The following FLRT1 variants were observed in gnomAD, a reference collection of about 807,000 sequenced individuals.
FLRT1 encodes fibronectin leucine rich transmembrane protein 1.
A neutral mutation model predicts 30.9 loss-of-function variants in FLRT1; 14 were observed. That is an observed-to-expected ratio of 0.45 (90% CI 0.30 to 0.71). FLRT1 has a LOEUF of 0.71. FLRT1 is among the 30% of genes least tolerant of loss of function. The pLI is 0.08. For missense variants in FLRT1, 737 were observed against 949.2 expected (o/e 0.78, Z 2.94); for synonymous variants, 368 against 430.4 (o/e 0.85, Z 1.80).
At chr11:64,081,027 T>A (rs1004011426) in intron 1 of FLRT1, among the ~76,000 whole-genome samples, 6 of 152,306 alleles carry the variant, frequency 3.9e-5, no homozygotes, top group Middle Eastern at 3.4e-3. Context: ...ACACTTCTTA[T>A]TTTATTTATT....
Position 64,117,815 on chromosome 11 carries a change from C to T in FLRT1, c.1548C>T (p.Tyr516=), listed in dbSNP as rs947939. ...CMVTMETSNA[Y]VADETPVCAK... ...TCACCATGGAGACCAGCAATGCCTA[C>T]GTAGCTGATGAGACACCCGTGTGTG... The change falls in exon 3 of 3, where the codon TAC becomes TAT. Residue 516 remains tyrosine, a synonymous_variant. Transcript: ENST00000682287. 230,513 of 1,614,098 alleles carry T rather than the reference C, an allele frequency of 0.14. 18,027 individuals carry two copies. Among genetic ancestry groups the T allele is most frequent in the Non-Finnish European group, 0.16 (194,260 of 1,179,986 alleles).
At position 64,056,453 on chromosome 11, in the gene FLRT1, G is replaced by A. The variant is rs540981122; in HGVS notation, c.-1038+20294G>A. 2.6e-5 allele frequency among the ~76,000 whole-genome samples: 4 copies of A among 152,326 alleles called. No individual in the cohort carries two copies. In the East Asian group the frequency reaches 5.8e-4, roughly 22 times the overall value. On this transcript the variant is annotated intron_variant, in intron 1 of 2. Coordinates refer to ENST00000682287, the MANE Select transcript of FLRT1 (RefSeq NM_013280.5). ...TGAGGGGAGGAGGGTGGGGAGGAAG[G>A]GGGAGCAGCTGCGGGAACAGGAGGC...
intron 1 of FLRT1, among the ~76,000 whole-genome samples, chr11:64,045,401 T>C (rs1309101661): frequency 1.3e-5 from 2 of 152,236 alleles, no homozygotes; most frequent in Non-Finnish European, 2.9e-5. Flanking sequence ...GATAATTTAT[T>C]TGTGGAAGGG....
chr11:64,081,323 A>G (rs546247601), intron 1 of FLRT1, among the ~76,000 whole-genome samples: 2 of 152,250 alleles, frequency 1.3e-5, no homozygotes, highest in African/African-American at 4.8e-5. Context: ...CGCCCAGCCT[A>G]CACTTCATAT....
intron 1 of FLRT1, among the ~76,000 whole-genome samples, chr11:64,101,974 C>A (rs1275111243): frequency 6.6e-6 from 1 of 152,210 alleles, no homozygotes; most frequent in African/African-American, 2.4e-5. Context: ...AGGCTGTGAG[C>A]CCCGTGGGCA....
Position 64,103,597 on chromosome 11 carries a change from A to AG in FLRT1, c.-634_-633insG, listed in dbSNP as rs1398127632. 1 of 151,602 alleles carries AG rather than the reference A, an allele frequency of 6.6e-6. No individual in the cohort carries two copies. Among genetic ancestry groups the AG allele is most frequent in the Non-Finnish European group, 1.5e-5 (1 of 67,930 alleles). The allele number at this position is 151,602 out of a possible 1,614,324, so 9.4% of individuals were successfully genotyped here. ...GACTTAAAGGAATTAAAAAAAAAAA[A>AG]AGCCTTGGTAAACAAAAAGGGGGTA... On this transcript the variant is annotated 5_prime_UTR_variant, in exon 2 of 3. Transcript: ENST00000682287.
intron 2 of FLRT1, among the ~76,000 whole-genome samples, chr11:64,113,207 T>C (rs1250371782): frequency 6.6e-6 from 1 of 152,248 alleles, no homozygotes; most frequent in African/African-American, 2.4e-5. Context: ...CTCATGTTTG[T>C]TGGGAGGGTT....
intron 2 of FLRT1, among the ~76,000 whole-genome samples, chr11:64,109,019 A>G (rs1271218501): frequency 6.6e-6 from 1 of 152,128 alleles, no homozygotes; most frequent in African/African-American, 2.4e-5. Context: ...GTGAGCATGT[A>G]CTTGTCTTTC....
intron 1 of FLRT1, among the ~76,000 whole-genome samples, chr11:64,041,016 G>A (rs1481588226): frequency 6.6e-6 from 1 of 151,922 alleles, no homozygotes; most frequent in Non-Finnish European, 1.5e-5. Context: ...CGGGCTGGTT[G>A]GGGATGGCTT....
intron 1 of FLRT1, among the ~76,000 whole-genome samples, chr11:64,081,301 C>T (rs1019435507): frequency 5.3e-5 from 8 of 152,184 alleles, no homozygotes; most frequent in African/African-American, 1.4e-4. Context: ...GGATTACAGG[C>T]GTGAGCCACC....
In FLRT1 at chr11:64,116,289, G is replaced by A. The variant is rs1416838729; in HGVS notation, c.22G>A (p.Ala8Thr). 8 of 1,600,730 alleles carry A rather than the reference G, an allele frequency of 5.0e-6. No individual in the cohort carries two copies. Among genetic ancestry groups the A allele is most frequent in the African/African-American group, 1.3e-5 (1 of 74,800 alleles). The change falls in exon 3 of 3, where the codon GCC (alanine) becomes ACC (threonine). Residue 8 changes from alanine (A) to threonine (T), a missense_variant. Ala to Thr is a moderately conservative substitution (Grantham distance 58). Transcript: ENST00000682287. The part of the protein sequence containing the change: MVVAHPT[A>T]TATTTPTATV... The stretch of plus-strand genomic sequence containing the variant: ...CACCATGGTGGTGGCACACCCCACC[G>A]CCACTGCCACCACCACGCCCACTGC...
intron 1 of FLRT1, among the ~76,000 whole-genome samples, chr11:64,072,282 G>A (rs967534697): frequency 2.6e-5 from 4 of 152,186 alleles, no homozygotes; most frequent in African/African-American, 9.7e-5. Context: ...GCCGGCCCTG[G>A]AGAGCCAGGC....
chr11:64,047,415 T>C (rs1260395938), intron 1 of FLRT1, among the ~76,000 whole-genome samples: 2 of 152,118 alleles, frequency 1.3e-5, no homozygotes, highest in Non-Finnish European at 2.9e-5. Flanking sequence ...GCCAGGTCCA[T>C]GCCATGGGGT....
rs377112197 is a variant in FLRT1, at chr11:64,116,987, C to T, written c.720C>T (p.Ala240=). The part of the protein sequence containing the change: ...DGNLLANQRI[A]DDTFSRLQNL... ...ACCTGCTGGCCAACCAGCGCATCGC[C>T]GACGACACCTTCAGCCGCCTACAGA... Residue 240 remains alanine (A), a synonymous_variant, in exon 3 of 3, where the codon GCC becomes GCT. Coordinates refer to ENST00000682287, the MANE Select transcript of FLRT1 (RefSeq NM_013280.5). 5.1e-5 allele frequency: 83 copies of T among 1,612,356 alleles called. 1 individual carries two copies. In the East Asian group the frequency reaches 1.0e-3, roughly 19 times the overall value.
rs150943813 is a variant in FLRT1, at chr11:64,117,939, G to A, written c.1672G>A (p.Gly558Ser). The A allele has an allele frequency of 5.0e-5, 81 of 1,613,526 alleles. No individual in the cohort carries two copies. In the East Asian group the frequency reaches 7.3e-4, roughly 15 times the overall value. Residue 558 changes from glycine to serine, a missense_variant, in exon 3 of 3, where the codon GGC becomes AGC. Transcript: ENST00000682287. Reference sequence around the variant, plus strand: ...GAGCCTGCCCCTGGCGGGCATCATCGGCGGGGCAGTGGCTCTGGTCTTCCT... The same window carrying A: ...GAGCCTGCCCCTGGCGGGCATCATCAGCGGGGCAGTGGCTCTGGTCTTCCT... ...MASLPLAGII[G>S]GAVALVFLFL...
chr11:64,074,961 G>A (rs541788728), intron 1 of FLRT1, among the ~76,000 whole-genome samples: 7 of 152,176 alleles, frequency 4.6e-5, no homozygotes, highest in Non-Finnish European at 1.0e-4. Context: ...TAAATCAGTT[G>A]GGCTCCTGAC....
chr11:64,070,398 A>G (rs1944085339), intron 1 of FLRT1, among the ~76,000 whole-genome samples: 1 of 152,134 alleles, frequency 6.6e-6, no homozygotes, highest in African/African-American at 2.4e-5. Flanking sequence ...CCTATAAAAT[A>G]GAGCCGGCCA....
rs1944479506 is a variant in FLRT1, at chr11:64,090,987, T to G, written c.-1037-12207T>G. Among the ~76,000 whole-genome samples the G allele has an allele frequency of 6.6e-6, 1 of 150,822 alleles. No homozygotes were observed. The highest frequency in any genetic ancestry group is 2.1e-4 in the South Asian group (1 of 4,744). On this transcript the variant is annotated intron_variant, in intron 1 of 2. Coordinates refer to ENST00000682287, the MANE Select transcript of FLRT1 (RefSeq NM_013280.5). This position sits in a 1 kb window ranked among gnomAD's most constrained non-coding sequence, Gnocchi z 4.7. ...GACCTCTGACCTCTGGGTCAGTTGG[T>G]TACTGACTGCTGACTGTGCCTAGGA... is the stretch of plus-strand genomic sequence containing the variant.
intron 1 of FLRT1, among the ~76,000 whole-genome samples, chr11:64,043,678 A>G (rs922134400): frequency 6.6e-6 from 1 of 152,204 alleles, no homozygotes; most frequent in African/African-American, 2.4e-5. Flanking sequence ...TGCATATTTC[A>G]TAGAGCACCA....
Sources: allele counts gnomAD v4.1 joint callset (sites outside exome capture counted in the v4.1 genomes callset), GRCh38; gene constraint gnomAD v4.1.1; non-coding constraint Gnocchi (gnomAD v3.1); transcripts MANE v1.5; gene names NCBI Gene and HGNC (gene_info 2026-07-23, HGNC 2026-07-21).